Variants in ZNF407 observed in about 807,000 individuals in gnomAD.
ZNF407 encodes the protein zinc finger protein 407.
In ZNF407, 17 loss-of-function variants were observed where a neutral mutation model predicts 131.2. The observed-to-expected ratio is 0.13, with a 90% CI of 0.09 to 0.19. The LOEUF is 0.19. Ranked by LOEUF, ZNF407 falls within the 10% of genes least tolerant of loss-of-function variation. The probability of loss-of-function intolerance (pLI) is 1.00; values close to 1 mark genes in which losing one functional copy is unlikely to be tolerated. For missense variants in ZNF407, 2,681 were observed against 2,830.6 expected, an observed-to-expected ratio of 0.95 and a Z score of 1.20; for synonymous variants, 1,156 against 1,062.0, an observed-to-expected ratio of 1.09 and a Z score of -1.72.
chr18:74,978,410 A>T (rs1972552017), intron 8 of ZNF407, among the ~76,000 whole-genome samples: 1 of 152,090 alleles, frequency 6.6e-6, no homozygotes, highest in African/African-American at 2.4e-5. Context: ...TTGGAAGATG[A>T]TACTACTGTG....
intron 3 of ZNF407, among the ~76,000 whole-genome samples, chr18:74,693,405 A>G (rs1057114705): frequency 2.0e-5 from 3 of 152,044 alleles, no homozygotes; most frequent in Admixed American, 6.5e-5. Flanking sequence ...TCTTTCTTGG[A>G]TTATTTAAAA....
chr18:74,725,403 T>G (rs1287219793), intron 3 of ZNF407, among the ~76,000 whole-genome samples: 1 of 152,214 alleles, frequency 6.6e-6, no homozygotes, highest in Admixed American at 6.5e-5. Flanking sequence ...TTTATATAGA[T>G]TCACAAAATT....
At chr18:74,756,332 T>C (rs2144961326) in intron 3 of ZNF407, among the ~76,000 whole-genome samples, 1 of 152,312 alleles carries the variant, frequency 6.6e-6, no homozygotes, top group African/African-American at 2.4e-5. Flanking sequence ...TTTTTAAGGA[T>C]CACTTTGGTA....
chr18:75,010,834 G>T (rs1223135551), intron 8 of ZNF407, among the ~76,000 whole-genome samples: 1 of 152,070 alleles, frequency 6.6e-6, no homozygotes, highest in Non-Finnish European at 1.5e-5. Context: ...TTTCCTAAAG[G>T]AAAAAGCATA....
intron 3 of ZNF407, among the ~76,000 whole-genome samples, chr18:74,646,129 G>A (rs1322519618): frequency 6.6e-6 from 1 of 152,114 alleles, no homozygotes; most frequent in East Asian, 1.9e-4. Flanking sequence ...AAAATACATG[G>A]TTGTGGGTAA....
At chr18:74,912,459 A>T (rs1176572714) in intron 7 of ZNF407, among the ~76,000 whole-genome samples, 2 of 152,208 alleles carry the variant, frequency 1.3e-5, no homozygotes, top group Non-Finnish European at 2.9e-5. Flanking sequence ...GAATACACAG[A>T]CAAGTATAAT....
chr18:74,637,346 G>T (rs1984509020), intron 2 of ZNF407, among the ~76,000 whole-genome samples: 1 of 152,150 alleles, frequency 6.6e-6, no homozygotes, highest in Admixed American at 6.5e-5. Context: ...GCAGAATGTA[G>T]TCCATTAGTC....
At chr18:74,988,173 T>C (rs1182435462) in intron 8 of ZNF407, among the ~76,000 whole-genome samples, 1 of 152,234 alleles carries the variant, frequency 6.6e-6, no homozygotes, top group Non-Finnish European at 1.5e-5. Context: ...AGGAATGATC[T>C]TTTTAATTAA....
chr18:75,033,365 G>A (rs1264863490), intron 8 of ZNF407, among the ~76,000 whole-genome samples: 7 of 152,204 alleles, frequency 4.6e-5, no homozygotes, highest in African/African-American at 1.7e-4. Context: ...TTCAAATCTT[G>A]TTCTATATTC....
intron 3 of ZNF407, among the ~76,000 whole-genome samples, chr18:74,735,194 A>G (rs543321746): frequency 6.6e-6 from 1 of 152,156 alleles, no homozygotes; most frequent in Admixed American, 6.5e-5. Context: ...TTTAATTTCA[A>G]TTGACATTTG....
chr18:74,877,494 T>C, intron 5 of ZNF407, 131 bp downstream of exon 5: 1 of 899,466 alleles, frequency 1.1e-6, no homozygotes, highest in Non-Finnish European at 1.7e-6. Flanking sequence ...AAGATTGTGG[T>C]AATTATGTAT....
In ZNF407 at chr18:74,632,176, T is replaced by A; in HGVS notation, c.1157T>A (p.Val386Glu). The A allele has an allele frequency of 6.2e-7, 1 of 1,613,996 alleles. No homozygotes were observed. Among genetic ancestry groups the A allele is most frequent in the African/African-American group, 1.3e-5 (1 of 75,038 alleles). Reference protein sequence around the residue: ...ENQSRKLDTLVTSEGLLEKLE... With the variant: ...ENQSRKLDTLETSEGLLEKLE... ...CAGAGTAGAAAGCTAGACACCTTAG[T>A]AACCTCAGAGGGTCTCTTAGAGAAA... The change falls in exon 2 of 9, where the codon GTA (valine) becomes GAA (glutamate). Residue 386 changes from valine to glutamate, a missense_variant. Coordinates refer to ENST00000299687, the MANE Select transcript of ZNF407 (RefSeq NM_017757.3).
chr18:74,941,334 C>T (rs1423186629), intron 8 of ZNF407, among the ~76,000 whole-genome samples: 3 of 152,152 alleles, frequency 2.0e-5, no homozygotes, highest in Non-Finnish European at 4.4e-5. Flanking sequence ...CTTGTGCTCT[C>T]TGGCCTCTTG....
intron 1 of ZNF407, among the ~76,000 whole-genome samples, chr18:74,605,852 T>G (rs1982781488): frequency 6.6e-6 from 1 of 152,008 alleles, no homozygotes; most frequent in South Asian, 2.1e-4. Flanking sequence ...CCAGCCCACG[T>G]CTGTGTGTGT....
chr18:74,694,633 C>G (rs1336243358), intron 3 of ZNF407, among the ~76,000 whole-genome samples: 1 of 152,134 alleles, frequency 6.6e-6, no homozygotes, highest in Non-Finnish European at 1.5e-5. Context: ...ACACTGTGCT[C>G]TGGCATGGGT....
At chr18:74,700,380 G>C (rs1282661217) in intron 3 of ZNF407, among the ~76,000 whole-genome samples, 1 of 152,172 alleles carries the variant, frequency 6.6e-6, no homozygotes, top group Non-Finnish European at 1.5e-5. Context: ...TGTCTTTACT[G>C]CTTTCTAATA....
chr18:74,925,969 C>T (rs1487109806), intron 8 of ZNF407, among the ~76,000 whole-genome samples: 1 of 152,184 alleles, frequency 6.6e-6, no homozygotes, highest in Non-Finnish European at 1.5e-5. Flanking sequence ...AACCTTCAGA[C>T]TAGATTCCTT....
intron 4 of ZNF407, among the ~76,000 whole-genome samples, chr18:74,799,284 A>G (rs1267780427): frequency 7.2e-5 from 11 of 152,150 alleles, no homozygotes; most frequent in Non-Finnish European, 1.5e-4. Flanking sequence ...TAAATTCAGT[A>G]TTTTCCATGA....
intron 7 of ZNF407, among the ~76,000 whole-genome samples, chr18:74,897,663 A>G (rs1971470767): frequency 6.6e-6 from 1 of 152,212 alleles, no homozygotes; most frequent in African/African-American, 2.4e-5. Flanking sequence ...CTCTTGCATA[A>G]TAAGTTATTC....
Sources: allele counts gnomAD v4.1 joint callset (sites outside exome capture counted in the v4.1 genomes callset), GRCh38; gene constraint gnomAD v4.1.1; transcripts MANE v1.5; gene names NCBI Gene and HGNC (gene_info 2026-07-23, HGNC 2026-07-21).